Variants in FBXO8 observed in about 807,000 individuals in gnomAD.
FBXO8 encodes the protein F-box protein 8.
Under a neutral mutation model 33.4 loss-of-function variants are expected in FBXO8, and 15 were observed. The ratio of observed to expected loss-of-function variants is 0.45; its 90% CI spans 0.30 to 0.69. The LOEUF is 0.69. Among genes scored for constraint, FBXO8 ranks in the 30% least tolerant of loss-of-function variants. The probability of loss-of-function intolerance (pLI) is 0.08; values close to 1 mark genes in which losing one functional copy is unlikely to be tolerated. For synonymous variants in FBXO8, 132 were observed against 131.5 expected, an observed-to-expected ratio of 1.00 and a Z score of -0.02; for missense variants, 274 against 380.3, an observed-to-expected ratio of 0.72 and a Z score of 2.32.
At position 174,241,261 on chromosome 4, in the gene FBXO8, A is replaced by G. The variant is rs1486762517; in HGVS notation, c.457-43T>C. ...GTCTACATAAATAAAATTGCTCTTTATTTATGCATTTTAACAATTAAGCAA... is the reference window on the plus strand; with the variant it reads ...GTCTACATAAATAAAATTGCTCTTTGTTTATGCATTTTAACAATTAAGCAA... On this transcript the variant is annotated intron_variant, in intron 3 of 5. Transcript: ENST00000393674. The surrounding 1 kb of genome is among the most constrained non-coding windows in gnomAD (Gnocchi z 4.2). The G allele has an allele frequency of 1.7e-6, 2 of 1,188,860 alleles. No individual in the cohort carries two copies. The highest frequency in any genetic ancestry group is 4.1e-5 in the Admixed American group (2 of 49,076). The allele number at this position is 1,188,860 out of a possible 1,614,324, so 73.6% of individuals were successfully genotyped here.
In FBXO8 at chr4:174,278,277, T is replaced by G. The variant is rs1736999350; in HGVS notation, c.-9+5133A>C. On this transcript the variant is annotated intron_variant, in intron 1 of 5. Coordinates refer to ENST00000393674, the MANE Select transcript of FBXO8 (RefSeq NM_012180.3). This position sits in a 1 kb window ranked among gnomAD's most constrained non-coding sequence, Gnocchi z 4.1. ...CTACTCATTAAATTTAAAGATCTGGTCCTGCAAGAGCAGTTTTTGTTACTA... is the reference window on the plus strand; with the variant it reads ...CTACTCATTAAATTTAAAGATCTGGGCCTGCAAGAGCAGTTTTTGTTACTA... 6.6e-6 allele frequency among the ~76,000 whole-genome samples: 1 copy of G among 152,054 alleles called. No homozygotes were observed. The highest frequency in any genetic ancestry group is 2.4e-5 in the African/African-American group (1 of 41,426).
chr4:174,278,828 C>A lies in FBXO8; in HGVS notation c.-9+4582G>T, dbSNP rs1309200612. Among the ~76,000 whole-genome samples the A allele has an allele frequency of 1.3e-5, 2 of 151,952 alleles. No homozygotes were observed. The highest frequency in any genetic ancestry group is 2.9e-5 in the Non-Finnish European group (2 of 67,936). On this transcript the variant is annotated intron_variant, in intron 1 of 5. Coordinates refer to ENST00000393674, the MANE Select transcript of FBXO8 (RefSeq NM_012180.3). The surrounding 1 kb of genome is among the most constrained non-coding windows in gnomAD (Gnocchi z 4.1). ...TATTAAATTAAATGAATATTGAAGG[C>A]AGCCAGAAATAGGAGGAAGGTGAAA...
At chr4:174,264,047 T>C (rs542691486) in intron 1 of FBXO8, among the ~76,000 whole-genome samples, 2 of 152,330 alleles carry the variant, frequency 1.3e-5, no homozygotes, top group South Asian at 4.1e-4. Flanking sequence ...ATTACTTTCA[T>C]GATCTCTTTT....
intron 1 of FBXO8, among the ~76,000 whole-genome samples, chr4:174,264,687 A>T (rs1279514302): frequency 6.6e-6 from 1 of 152,024 alleles, no homozygotes; most frequent in African/African-American, 2.4e-5. Context: ...ATGTAGGCAC[A>T]TTTGTTTTTG....
In FBXO8 at chr4:174,236,703, A is replaced by T. The variant is rs1735894472; in HGVS notation, c.*709T>A. ...ATTTTATTTTATTCCTATGAATGTA[A>T]ATCATAAATTTTGATGTTTTAAAAA... On this transcript the variant is annotated 3_prime_UTR_variant, in exon 6 of 6. Transcript: ENST00000393674. 6.6e-6 allele frequency: 1 copy of T among 152,198 alleles called. No homozygotes were observed. Among genetic ancestry groups the T allele is most frequent in the African/African-American group, 2.4e-5 (1 of 41,456 alleles). 9.4% of individuals were successfully genotyped at this position (152,198 alleles called of 1,614,324 possible).
In FBXO8 at chr4:174,241,872, T is replaced by C. The variant is rs1334657293; in HGVS notation, c.457-654A>G. Among the ~76,000 whole-genome samples the C allele has an allele frequency of 6.6e-6, 1 of 151,520 alleles. No individual in the cohort carries two copies. The highest frequency in any genetic ancestry group is 2.4e-5 in the African/African-American group (1 of 41,400). On this transcript the variant is annotated intron_variant, in intron 3 of 5. Transcript: ENST00000393674. This position sits in a 1 kb window ranked among gnomAD's most constrained non-coding sequence, Gnocchi z 4.2. ...CAATGTTTTTCATAGAATTTATCTT[T>C]GAATTTCCTTTTCTCTGCATGCAAA...
At chr4:174,279,619 C>T (rs549608130) in intron 1 of FBXO8, among the ~76,000 whole-genome samples, 1 of 152,104 alleles carries the variant, frequency 6.6e-6, no homozygotes, top group East Asian at 1.9e-4. Flanking sequence ...GCTACAGTAA[C>T]CAAAACAGTA....
At position 174,281,710 on chromosome 4, in the gene FBXO8, A is replaced by G. The variant is rs1737091446; in HGVS notation, c.-9+1700T>C. On this transcript the variant is annotated intron_variant, in intron 1 of 5. Coordinates refer to ENST00000393674, the MANE Select transcript of FBXO8 (RefSeq NM_012180.3). This position sits in a 1 kb window ranked among gnomAD's most constrained non-coding sequence, Gnocchi z 4.6. ...CTGTCTCAAAAAAATACTTGCCCCAAATATGATATAAATTTATTCAAGTCA... is the reference window on the plus strand; with the variant it reads ...CTGTCTCAAAAAAATACTTGCCCCAGATATGATATAAATTTATTCAAGTCA... Among the ~76,000 whole-genome samples the G allele has an allele frequency of 6.6e-6, 1 of 152,190 alleles. No individual in the cohort carries two copies. The highest frequency in any genetic ancestry group is 2.4e-5 in the African/African-American group (1 of 41,436).
rs2126420359 is a variant in FBXO8 at position 174,247,789 on chromosome 4, A to G, written c.457-6571T>C. Among the ~76,000 whole-genome samples, 1 of 152,168 alleles carries G rather than the reference A, an allele frequency of 6.6e-6. No homozygotes were observed. The highest frequency in any genetic ancestry group is 2.1e-4 in the South Asian group (1 of 4,828). On this transcript the variant is annotated intron_variant, in intron 3 of 5. Coordinates refer to ENST00000393674, the MANE Select transcript of FBXO8 (RefSeq NM_012180.3). This position sits in a 1 kb window ranked among gnomAD's most constrained non-coding sequence, Gnocchi z 4.6. ...CTGCAGGTCAAATGGGAACATCCCC[A>G]TTGTTTTGTTTGCAAATAGCAGCAG...
rs767661542 is a variant in FBXO8, at chr4:174,270,305, T to C, written c.-8-7205A>G. Among the ~76,000 whole-genome samples the C allele has an allele frequency of 3.3e-5, 5 of 152,212 alleles. No homozygotes were observed. Among genetic ancestry groups the C allele is most frequent in the Non-Finnish European group, 7.3e-5 (5 of 68,032 alleles). Reference sequence around the variant, plus strand: ...CTGTGGCACAGTAGCTGGGAAGACGTAAATGGAAAGTAACATGATTTTAGG... The same window carrying C: ...CTGTGGCACAGTAGCTGGGAAGACGCAAATGGAAAGTAACATGATTTTAGG... On this transcript the variant is annotated intron_variant, in intron 1 of 5. Coordinates refer to ENST00000393674, the MANE Select transcript of FBXO8 (RefSeq NM_012180.3). The surrounding 1 kb of genome is among the most constrained non-coding windows in gnomAD (Gnocchi z 4.6).
Position 174,253,734 on chromosome 4 carries a change from G to C in FBXO8, c.456+5965C>G, listed in dbSNP as rs10434410. ...ATTCGCTAGTGCTCTAGGGGTGCTCGTGTGATTCAATTATGTTCTATAAGA... is the reference window on the plus strand; with the variant it reads ...ATTCGCTAGTGCTCTAGGGGTGCTCCTGTGATTCAATTATGTTCTATAAGA... On this transcript the variant is annotated intron_variant, in intron 3 of 5. Coordinates refer to ENST00000393674, the MANE Select transcript of FBXO8 (RefSeq NM_012180.3). This position sits in a 1 kb window ranked among gnomAD's most constrained non-coding sequence, Gnocchi z 4.5. Among the ~76,000 whole-genome samples, 27,278 of 152,158 alleles carry C rather than the reference G, an allele frequency of 0.18. 2,983 individuals carry two copies. The highest frequency in any genetic ancestry group is 0.59 in the East Asian group (3,024 of 5,154).
chr4:174,256,257 T>TA lies in FBXO8; in HGVS notation c.456+3441dup. Reference sequence around the variant, plus strand: ...CTTTTTACAATACTAAGCAATTATATACATCTTATCTCAGGTACTTGCAAA... The same window carrying TA: ...CTTTTTACAATACTAAGCAATTATATAACATCTTATCTCAGGTACTTGCAAA... On this transcript the variant is annotated intron_variant, in intron 3 of 5. Coordinates refer to ENST00000393674, the MANE Select transcript of FBXO8 (RefSeq NM_012180.3). This position sits in a 1 kb window ranked among gnomAD's most constrained non-coding sequence, Gnocchi z 4.6. The TA allele has an allele frequency of 2.5e-6, 1 of 403,284 alleles. No homozygotes were observed. Among genetic ancestry groups the TA allele is most frequent in the Non-Finnish European group, 4.9e-6 (1 of 204,158 alleles). The allele number at this position is 403,284 out of a possible 1,614,324, so 25.0% of individuals were successfully genotyped here.
intron 4 of FBXO8, 55 bp from the exon 5 acceptor site, chr4:174,239,245 G>A: frequency 8.0e-7 from 1 of 1,257,662 alleles, no homozygotes. Context: ...TTAAAAAAAT[G>A]GTAAGAAAAA....
At chr4:174,268,080 A>G (rs528473129) in intron 1 of FBXO8, among the ~76,000 whole-genome samples, 2 of 152,332 alleles carry the variant, frequency 1.3e-5, no homozygotes, top group South Asian at 2.1e-4. Flanking sequence ...AATAAAAGAA[A>G]CACGGTTGCT....
Position 174,263,590 on chromosome 4 carries a change from T to C in FBXO8, c.-8-490A>G, listed in dbSNP as rs367923405. On this transcript the variant is annotated intron_variant, in intron 1 of 5. Coordinates refer to ENST00000393674, the MANE Select transcript of FBXO8 (RefSeq NM_012180.3). The surrounding 1 kb of genome is among the most constrained non-coding windows in gnomAD (Gnocchi z 4.2). Reference sequence around the variant, plus strand: ...AACAGCTGGGAAACAGGCTTTTAGTTTAATTCTTGCCAGTCTACACTTACA... The same window carrying C: ...AACAGCTGGGAAACAGGCTTTTAGTCTAATTCTTGCCAGTCTACACTTACA... 6.6e-4 allele frequency among the ~76,000 whole-genome samples: 100 copies of C among 152,238 alleles called. 2 individuals carry two copies. The South Asian group carries it at 0.018, about 28-fold the overall frequency.
rs1735896303 is a variant in FBXO8 at position 174,236,771 on chromosome 4, G to A, written c.*641C>T. The A allele has an allele frequency of 6.6e-6, 1 of 151,754 alleles. No homozygotes were observed. The highest frequency in any genetic ancestry group is 2.4e-5 in the African/African-American group (1 of 41,342). 9.4% of individuals were successfully genotyped at this position (151,754 alleles called of 1,614,324 possible). On this transcript the variant is annotated 3_prime_UTR_variant, in exon 6 of 6. Coordinates refer to ENST00000393674, the MANE Select transcript of FBXO8 (RefSeq NM_012180.3). ...GACTTACCGAGACTTGATTAACCCA[G>A]TTTTTAAAATAAAAAATCAAATTAT...
Position 174,279,495 on chromosome 4 carries a change from GA to G in FBXO8, c.-9+3914del, listed in dbSNP as rs976700721. 5.9e-5 allele frequency among the ~76,000 whole-genome samples: 9 copies of G among 151,952 alleles called. No individual in the cohort carries two copies. In the South Asian group the frequency reaches 1.9e-3, roughly 32 times the overall value. ...TATAATGACGTTTTTTGCATTAATA[GA>G]AAAAAATTCTAAAATCCACATGGAA... is the stretch of plus-strand genomic sequence containing the variant. On this transcript the variant is annotated intron_variant, in intron 1 of 5. Coordinates refer to ENST00000393674, the MANE Select transcript of FBXO8 (RefSeq NM_012180.3).
At chr4:174,244,431 T>C (rs1444267868) in intron 3 of FBXO8, among the ~76,000 whole-genome samples, 2 of 151,700 alleles carry the variant, frequency 1.3e-5, no homozygotes, top group Non-Finnish European at 3.0e-5. Context: ...GTTGTTGTTC[T>C]TACATTTTCA....
Position 174,252,858 on chromosome 4 carries a change from C to A in FBXO8, c.456+6841G>T, listed in dbSNP as rs1320151373. 6.6e-6 allele frequency among the ~76,000 whole-genome samples: 1 copy of A among 152,080 alleles called. No homozygotes were observed. The highest frequency in any genetic ancestry group is 1.5e-5 in the Non-Finnish European group (1 of 68,014). On this transcript the variant is annotated intron_variant, in intron 3 of 5. Coordinates refer to ENST00000393674, the MANE Select transcript of FBXO8 (RefSeq NM_012180.3). The surrounding 1 kb of genome is among the most constrained non-coding windows in gnomAD (Gnocchi z 5.1). ...TGGTGGCATGCACCTGTAATCCCAG[C>A]TACTCCAGAGGCTGAGGCACAAGAA...
Sources: gnomAD v4.1 joint callset for allele counts (sites outside exome capture counted in the v4.1 genomes callset) on GRCh38, gnomAD v4.1.1 for gene constraint, Gnocchi (gnomAD v3.1) non-coding constraint, MANE v1.5 for transcripts, NCBI Gene and HGNC (gene_info 2026-07-23, HGNC 2026-07-21) for gene names.